FRMD6: variants seen among roughly 807,000 people sequenced by gnomAD.
FRMD6 encodes FERM domain containing 6.
In FRMD6, 37 loss-of-function variants were observed where a neutral mutation model predicts 73.2. The observed-to-expected ratio is 0.51, with a 90% CI of 0.39 to 0.66. The LOEUF (loss-of-function observed/expected upper bound fraction) is 0.66. Among genes scored for constraint, FRMD6 ranks in the 30% least tolerant of loss-of-function variants. The pLI is 0.00. For synonymous variants in FRMD6, 273 were observed against 282.2 expected (o/e 0.97, Z 0.33); for missense variants, 714 against 780.5 (o/e 0.91, Z 1.02).
intron 1 of FRMD6, among the ~76,000 whole-genome samples, chr14:51,511,389 T>A (rs564445621): frequency 3.5e-4 from 54 of 152,322 alleles, no homozygotes; most frequent in African/African-American, 1.3e-3. Flanking sequence ...TGAAAATTAT[T>A]CAGGGCAAAG....
chr14:51,623,208 G>T (rs1401060555), intron 2 of FRMD6, among the ~76,000 whole-genome samples: 1 of 152,202 alleles, frequency 6.6e-6, no homozygotes, highest in Non-Finnish European at 1.5e-5. Context: ...GGAATAGGTG[G>T]TTGTTAAAAC....
chr14:51,700,646 GT>G (rs1272302933), intron 3 of FRMD6, among the ~76,000 whole-genome samples: 1 of 151,976 alleles, frequency 6.6e-6, no homozygotes, highest in African/African-American at 2.4e-5. Context: ...TTAAGATAGT[GT>G]TTCTGCCCTG....
intron 1 of FRMD6, among the ~76,000 whole-genome samples, chr14:51,530,241 G>A (rs1433962151): frequency 6.6e-6 from 1 of 152,138 alleles, no homozygotes; most frequent in Non-Finnish European, 1.5e-5. Context: ...ACATAGTGAT[G>A]GGTTACTGTA....
At chr14:51,448,391 T>G in the FRMD6 span, among the ~76,000 whole-genome samples, 10,828 of 152,312 alleles carry the variant, frequency 0.071, 486 homozygotes, top group Middle Eastern at 0.16. Flanking sequence ...TGTGTCTAAT[T>G]CCATACATTA....
chr14:51,685,926 A>C (rs1409555967), intron 1 of FRMD6, among the ~76,000 whole-genome samples: 5 of 152,204 alleles, frequency 3.3e-5, no homozygotes, highest in African/African-American at 1.2e-4. Flanking sequence ...GATTCTCTAC[A>C]ATCCAGTTTT....
upstream of FRMD6, among the ~76,000 whole-genome samples, chr14:51,647,488 A>G (rs1319345158): frequency 6.6e-6 from 1 of 152,222 alleles, no homozygotes; most frequent in Non-Finnish European, 1.5e-5. Flanking sequence ...TCAGGACCAT[A>G]ACACTAAACT....
chr14:51,549,619 A>C, intron 1 of FRMD6, among the ~76,000 whole-genome samples: 3 of 62,430 alleles, frequency 4.8e-5, no homozygotes, highest in Non-Finnish European at 8.5e-5. Context: ...TTTTTTTGAG[A>C]CAGAGTCTCG....
the FRMD6 span, among the ~76,000 whole-genome samples, chr14:51,437,147 C>T: frequency 6.6e-6 from 1 of 152,172 alleles, no homozygotes; most frequent in African/African-American, 2.4e-5. Context: ...GCCCCCACCC[C>T]CCGACAGGCC....
intron 1 of FRMD6, among the ~76,000 whole-genome samples, chr14:51,552,143 T>C (rs1182147685): frequency 6.6e-6 from 1 of 152,234 alleles, no homozygotes; most frequent in Non-Finnish European, 1.5e-5. Context: ...GATTTTCTTT[T>C]AAATGGGGTA....
chr14:51,669,615 T>C (rs903568633), intron 1 of FRMD6, among the ~76,000 whole-genome samples: 2 of 152,220 alleles, frequency 1.3e-5, no homozygotes, highest in African/African-American at 4.8e-5. Context: ...CTAATAATGT[T>C]GAGTATCATT....
At chr14:51,701,819 C>CT (rs984907531) in intron 4 of FRMD6, among the ~76,000 whole-genome samples, 2 of 151,672 alleles carry the variant, frequency 1.3e-5, no homozygotes, top group African/African-American at 4.8e-5. Context: ...GTCAAAATTG[C>CT]TGTTCTAGAA....
intron 1 of FRMD6, among the ~76,000 whole-genome samples, chr14:51,502,714 G>T (rs939375200): frequency 1.3e-5 from 2 of 152,072 alleles, no homozygotes; most frequent in Non-Finnish European, 2.9e-5. Flanking sequence ...TTTTTAAATA[G>T]ATTTTTCCAA....
At chr14:51,698,287 C>T in intron 3 of FRMD6, 55 bp downstream of exon 3, 1 of 1,174,498 alleles carries the variant, frequency 8.5e-7, no homozygotes, top group East Asian at 2.4e-5. Flanking sequence ...GAGGAAATGA[C>T]ATCTTATAGC....
At chr14:51,667,644 A>T (rs1475329205) in intron 1 of FRMD6, among the ~76,000 whole-genome samples, 1 of 152,208 alleles carries the variant, frequency 6.6e-6, no homozygotes, top group Admixed American at 6.5e-5. Context: ...CACGTTACTT[A>T]CAATTATAGA....
chr14:51,491,974 G>A (rs147963706), intron 1 of FRMD6, among the ~76,000 whole-genome samples: 1 of 152,320 alleles, frequency 6.6e-6, no homozygotes, highest in African/African-American at 2.4e-5. Flanking sequence ...TCCCTTTGAG[G>A]TCTGGCAGCT....
At chr14:51,573,647 A>G (rs1888252963) in intron 2 of FRMD6, among the ~76,000 whole-genome samples, 1 of 152,200 alleles carries the variant, frequency 6.6e-6, no homozygotes, top group South Asian at 2.1e-4. Flanking sequence ...TGTGGAGCCA[A>G]CATCACGCTG....
chr14:51,557,245 CATATA>C (rs1443320011), intron 1 of FRMD6, among the ~76,000 whole-genome samples: 5 of 149,780 alleles, frequency 3.3e-5, no homozygotes, highest in African/African-American at 1.2e-4. Flanking sequence ...GAAAATGTGA[CATATA>C]TATATATATA....
intron 11 of FRMD6, 128 bp from the exon 12 acceptor site, chr14:51,721,821 T>C (rs530695936): frequency 9.2e-6 from 9 of 979,844 alleles, no homozygotes; most frequent in African/African-American, 1.6e-5. Context: ...GAGTTTCCTA[T>C]TGGAGTCTCA....
chr14:51,412,637 G>C, the FRMD6 span, among the ~76,000 whole-genome samples: 1 of 152,026 alleles, frequency 6.6e-6, no homozygotes, highest in Non-Finnish European at 1.5e-5. Context: ...GGATCACGAG[G>C]TCAGGAGATC....
Sources: allele counts gnomAD v4.1 joint callset (sites outside exome capture counted in the v4.1 genomes callset), GRCh38; gene constraint gnomAD v4.1.1; transcripts MANE v1.5; gene names NCBI Gene and HGNC (gene_info 2026-07-23, HGNC 2026-07-21).